TP53BP1: variants seen among roughly 807,000 people sequenced by gnomAD.
TP53BP1 encodes the protein tumor protein p53 binding protein 1, also known as TP53-binding protein 1.
In TP53BP1, 61 loss-of-function variants were observed where a neutral mutation model predicts 200.8. That is an observed-to-expected ratio of 0.30 (90% CI 0.25 to 0.38). The LOEUF (loss-of-function observed/expected upper bound fraction) is 0.38. Ranked by LOEUF, TP53BP1 falls within the 10% of genes least tolerant of loss-of-function variation. TP53BP1 has a pLI of 1.00. For synonymous variants in TP53BP1, 822 were observed against 844.3 expected (o/e 0.97, Z 0.46); for missense variants, 2,144 against 2,371.9 (o/e 0.90, Z 2.00).
intron 1 of TP53BP1, among the ~76,000 whole-genome samples, chr15:43,499,210 A>G (rs1234236845): frequency 6.6e-6 from 1 of 152,084 alleles, no homozygotes; most frequent in African/African-American, 2.4e-5. Flanking sequence ...TAGTGTGTGT[A>G]CATAAAGTAA....
chr15:43,456,525 G>A lies in TP53BP1; in HGVS notation c.2083C>T (p.His695Tyr). ...GACTGAGTTTCAGTCAGAGAAAGGT[G>A]CAACGGAACACTCTCCATATTTTCT... ...KEENMESVPL[H>Y]LSLTETQSQG... Residue 695 changes from histidine (H) to tyrosine (Y), a missense_variant, in exon 12 of 28, where the codon CAC becomes TAC. Transcript: ENST00000382044. The A allele has an allele frequency of 6.2e-7, 1 of 1,603,450 alleles. No homozygotes were observed. Among genetic ancestry groups the A allele is most frequent in the Non-Finnish European group, 8.5e-7 (1 of 1,175,276 alleles).
intron 15 of TP53BP1, chr15:43,441,142 G>C (rs1452208257): frequency 6.0e-6 from 1 of 165,558 alleles, no homozygotes; most frequent in African/African-American, 2.4e-5. Flanking sequence ...ACCTGAGGCT[G>C]CAGCTGAGTA....
At chr15:43,424,461 A>T (rs1272082358) in intron 18 of TP53BP1, among the ~76,000 whole-genome samples, 1 of 152,202 alleles carries the variant, frequency 6.6e-6, no homozygotes, top group Non-Finnish European at 1.5e-5. Context: ...TTGTGTTTTC[A>T]CATCTGCAAA....
chr15:43,500,140 T>C lies in TP53BP1; in HGVS notation c.-8-7672A>G, dbSNP rs1001820930. ...TTACCAATTTATGTATCTAACTGCC[T>C]ATTCAATATCTTCATTTTGATGTCC... On this transcript the variant is annotated intron_variant, in intron 1 of 27. Transcript: ENST00000263801. 2.0e-5 allele frequency among the ~76,000 whole-genome samples: 3 copies of C among 152,226 alleles called. No individual in the cohort carries two copies. In the East Asian group the frequency reaches 5.8e-4, roughly 29 times the overall value.
intron 11 of TP53BP1, among the ~76,000 whole-genome samples, chr15:43,459,109 A>C (rs2046369411): frequency 6.6e-6 from 1 of 152,148 alleles, no homozygotes; most frequent in Non-Finnish European, 1.5e-5. Flanking sequence ...AGGCCAAGAC[A>C]GGCAGATCTC....
chr15:43,419,305 C>T (rs556292100), intron 21 of TP53BP1, among the ~76,000 whole-genome samples: 40 of 152,212 alleles, frequency 2.6e-4, no homozygotes, highest in Non-Finnish European at 4.0e-4. Flanking sequence ...CATGTGGATA[C>T]ATCACAAACC....
rs1004181300 is a variant in TP53BP1, at chr15:43,404,073, C to T, written c.*3310G>A. Reference sequence around the variant, plus strand: ...GTTCTAACTTCCTCACATCCTCCCCCCTCCTTACTTCCTTGAACTAACCCC... The same window carrying T: ...GTTCTAACTTCCTCACATCCTCCCCTCTCCTTACTTCCTTGAACTAACCCC... On this transcript the variant is annotated 3_prime_UTR_variant, in exon 28 of 28. Transcript: ENST00000382044. 26 of 524,564 alleles carry T rather than the reference C, an allele frequency of 5.0e-5. No individual in the cohort carries two copies. Among genetic ancestry groups the T allele is most frequent in the Non-Finnish European group, 7.5e-5 (22 of 295,072 alleles). 32.5% of individuals were successfully genotyped at this position (524,564 alleles called of 1,614,324 possible).
At chr15:43,478,893 T>C (rs1048544502) in intron 7 of TP53BP1, among the ~76,000 whole-genome samples, 4 of 152,214 alleles carry the variant, frequency 2.6e-5, no homozygotes, top group Non-Finnish European at 2.9e-5. Flanking sequence ...TACGGAGTCA[T>C]GCTTATAGTT....
chr15:43,441,455 G>A (rs1458837008), intron 15 of TP53BP1, 71 bp downstream of exon 15: 2 of 1,010,814 alleles, frequency 2.0e-6, no homozygotes, highest in African/African-American at 1.6e-5. Flanking sequence ...TTTTTCCTTT[G>A]TTGATAAACC....
intron 14 of TP53BP1, 28 bp from the exon 15 acceptor site, chr15:43,441,611 A>C (rs1476719254): frequency 6.5e-7 from 1 of 1,544,222 alleles, no homozygotes. Flanking sequence ...CAAGGAGAGA[A>C]AGGAAAGAGA....
In TP53BP1 at chr15:43,413,074, G is replaced by T. The variant is rs770551224; in HGVS notation, c.5305+45C>A. On this transcript the variant is annotated intron_variant, in intron 24 of 27. Transcript: ENST00000382044. ...AGCTCATAAGTGACTGGAAAAGAAA[G>T]AAGTGCCTATGTGTCAGAGCTCCCA... is the stretch of plus-strand genomic sequence containing the variant. 5.0e-6 allele frequency: 8 copies of T among 1,588,074 alleles called. No homozygotes were observed. The Admixed American group carries it at 1.2e-4, about 23-fold the overall frequency.
rs758353779 is a variant in TP53BP1, at chr15:43,413,227, A to G, written c.5197T>C (p.Leu1733=). 1 of 1,614,188 alleles carries G rather than the reference A, an allele frequency of 6.2e-7. No individual in the cohort carries two copies. The highest frequency in any genetic ancestry group is 1.1e-5 in the South Asian group (1 of 91,084). The change falls in exon 24 of 28, where the codon TTG becomes CTG. Residue 1733 remains leucine, a synonymous_variant. Transcript: ENST00000382044. ...AGGAGAAATGCGTAGCCCAGAAACA[A>G]GGTCTTGTTGAGAGGCAAAGGCCCT... The part of the protein sequence containing the change: ...QRGPLPLNKT[L]FLGYAFLLTM...
At chr15:43,480,840 T>A in intron 5 of TP53BP1, 55 bp downstream of exon 5, 1 of 1,593,830 alleles carries the variant, frequency 6.3e-7, no homozygotes, top group Non-Finnish European at 8.6e-7. Flanking sequence ...ATCTGCACAA[T>A]CATGTTAAAG....
intron 14 of TP53BP1, 100 bp downstream of exon 14, chr15:43,446,287 T>C (rs2046039437): frequency 3.2e-6 from 3 of 927,312 alleles, no homozygotes; most frequent in Non-Finnish European, 4.8e-6. Context: ...TACAAATACA[T>C]TTATAAATAT....
At chr15:43,444,590 C>T (rs747047826) in intron 14 of TP53BP1, among the ~76,000 whole-genome samples, 15 of 152,102 alleles carry the variant, frequency 9.9e-5, no homozygotes, top group Non-Finnish European at 1.3e-4. Context: ...TTAGGGAAGG[C>T]GCTCAACCTT....
Position 43,405,265 on chromosome 15 carries a change from CAG to C in TP53BP1, c.*2116_*2117del, listed in dbSNP as rs935843355. On this transcript the variant is annotated 3_prime_UTR_variant, in exon 28 of 28. Coordinates refer to ENST00000382044, the MANE Select transcript of TP53BP1 (RefSeq NM_001141980.3). ...AACAGCCACGTTCCCAAGGTTGTAA[CAG>C]AAGATTCAAAACATCCCATTCTAGC... 1 of 1,603,204 alleles carries C rather than the reference CAG, an allele frequency of 6.2e-7. No homozygotes were observed. Among genetic ancestry groups the C allele is most frequent in the Non-Finnish European group, 8.5e-7 (1 of 1,170,314 alleles).
intron 8 of TP53BP1, 146 bp from the exon 9 acceptor site, chr15:43,475,840 C>T: frequency 5.2e-6 from 5 of 960,544 alleles, no homozygotes; most frequent in Non-Finnish European, 6.1e-6. Context: ...AATTATAGTA[C>T]AACGAATGGA....
intron 4 of TP53BP1, among the ~76,000 whole-genome samples, chr15:43,491,422 C>T (rs1274545458): frequency 2.0e-5 from 3 of 152,120 alleles, no homozygotes; most frequent in Admixed American, 2.0e-4. Context: ...AGGAGGAATG[C>T]TTATTTTGTT....
chr15:43,508,228 C>A (rs1172547305), intron 1 of TP53BP1, among the ~76,000 whole-genome samples: 1 of 152,040 alleles, frequency 6.6e-6, no homozygotes, highest in African/African-American at 2.4e-5. Flanking sequence ...GGCATGGTGG[C>A]GCACGCCTGT....
Sources: gnomAD v4.1 joint callset for allele counts (sites outside exome capture counted in the v4.1 genomes callset) on GRCh38, gnomAD v4.1.1 for gene constraint, MANE v1.5 for transcripts, NCBI Gene and HGNC (gene_info 2026-07-23, HGNC 2026-07-21) for gene names.